ASCC3: variants seen among roughly 807,000 people sequenced by gnomAD.
ASCC3 encodes ASC-1 complex subunit P200.
In ASCC3, 158 loss-of-function variants were observed where a neutral mutation model predicts 256.3. That is an observed-to-expected ratio of 0.62 (90% confidence interval 0.54 to 0.70). The LOEUF (loss-of-function observed/expected upper bound fraction) is 0.70, where lower values mean the gene tolerates loss of function less well. Among genes scored for constraint, ASCC3 ranks in the 30% least tolerant of loss-of-function variants. ASCC3 has a pLI of 0.00. For synonymous variants in ASCC3, 948 were observed against 883.4 expected, an observed-to-expected ratio of 1.07 and a Z score of -1.30; for missense variants, 2,259 against 2,626.0, an observed-to-expected ratio of 0.86 and a Z score of 3.05.
intron 36 of ASCC3, among the ~76,000 whole-genome samples, chr6:100,568,404 T>C (rs1221498021): frequency 6.6e-6 from 1 of 151,682 alleles, no homozygotes; most frequent in East Asian, 1.9e-4. Context: ...TGGTATGAGA[T>C]AGTATCTCAT....
At chr6:100,813,159 C>A (rs1770563890) in intron 4 of ASCC3, among the ~76,000 whole-genome samples, 1 of 151,862 alleles carries the variant, frequency 6.6e-6, no homozygotes, top group Non-Finnish European at 1.5e-5. Flanking sequence ...GGAAGCTTAA[C>A]AAATTCCAAG....
chr6:100,848,896 A>G (rs1772521308), intron 3 of ASCC3, among the ~76,000 whole-genome samples, 189 bp from the exon 4 acceptor site: 1 of 152,194 alleles, frequency 6.6e-6, no homozygotes, highest in Non-Finnish European at 1.5e-5. Context: ...ACTTGAGTCT[A>G]GGAGTTCAAG....
At chr6:100,611,206 G>A (rs1468061382) in intron 30 of ASCC3, among the ~76,000 whole-genome samples, 1 of 152,040 alleles carries the variant, frequency 6.6e-6, no homozygotes, top group Non-Finnish European at 1.5e-5. Flanking sequence ...ATCTGAACTG[G>A]CAAAGACTTA....
intron 4 of ASCC3, among the ~76,000 whole-genome samples, chr6:100,843,331 G>A (rs1772238276): frequency 6.6e-6 from 1 of 152,104 alleles, no homozygotes; most frequent in South Asian, 2.1e-4. Flanking sequence ...GTTCAGAAAT[G>A]AACTTGCATG....
intron 4 of ASCC3, among the ~76,000 whole-genome samples, chr6:100,835,294 T>C (rs1284384191): frequency 6.6e-6 from 1 of 152,126 alleles, no homozygotes; most frequent in Non-Finnish European, 1.5e-5. Flanking sequence ...ATACAATTTG[T>C]CTATTTTTGC....
At chr6:100,871,218 C>G (rs1773725490) in intron 1 of ASCC3, among the ~76,000 whole-genome samples, 1 of 152,002 alleles carries the variant, frequency 6.6e-6, no homozygotes, top group African/African-American at 2.4e-5. Flanking sequence ...GCCTCAGCCT[C>G]CCGAGTAGCT....
At chr6:100,833,521 C>G (rs1375701118) in intron 4 of ASCC3, among the ~76,000 whole-genome samples, 1 of 151,960 alleles carries the variant, frequency 6.6e-6, no homozygotes, top group Non-Finnish European at 1.5e-5. Flanking sequence ...ATGTACTACC[C>G]TAATACAAGA....
intron 30 of ASCC3, among the ~76,000 whole-genome samples, chr6:100,621,637 G>A (rs1272504296): frequency 6.6e-6 from 1 of 152,180 alleles, no homozygotes; most frequent in Non-Finnish European, 1.5e-5. Context: ...TACACTGTTG[G>A]TGAGAATGTA....
At chr6:100,706,482 C>A (rs1260434084) in intron 13 of ASCC3, among the ~76,000 whole-genome samples, 1 of 151,586 alleles carries the variant, frequency 6.6e-6, no homozygotes, top group Non-Finnish European at 1.5e-5. Context: ...TGAAAACAAA[C>A]CTCTAAATGA....
At chr6:100,710,939 T>C (rs1324547061) in intron 13 of ASCC3, among the ~76,000 whole-genome samples, 3 of 152,140 alleles carry the variant, frequency 2.0e-5, no homozygotes, top group African/African-American at 7.2e-5. Context: ...AGCCTCAAAA[T>C]AGCTGTGGTA....
intron 3 of ASCC3, chr6:100,857,459 G>C (rs1403642612): frequency 6.6e-6 from 1 of 151,946 alleles, no homozygotes; most frequent in Non-Finnish European, 1.5e-5. Context: ...CACATACAAA[G>C]ATCCTGAAGA....
intron 30 of ASCC3, among the ~76,000 whole-genome samples, chr6:100,609,380 G>T (rs1320324957): frequency 1.3e-5 from 2 of 151,828 alleles, no homozygotes; most frequent in Non-Finnish European, 2.9e-5. Context: ...GCTACATTTA[G>T]TATATTCACA....
At chr6:100,711,770 G>T (rs1778865306) in intron 13 of ASCC3, among the ~76,000 whole-genome samples, 8 of 152,084 alleles carry the variant, frequency 5.3e-5, no homozygotes, top group Admixed American at 4.6e-4. Context: ...GACTAGAAAA[G>T]GTTCTCTTGT....
chr6:100,596,152 A>G (rs1234818374), intron 34 of ASCC3, among the ~76,000 whole-genome samples: 1 of 152,096 alleles, frequency 6.6e-6, no homozygotes, highest in Non-Finnish European at 1.5e-5. Context: ...TTTTTTTGCC[A>G]TCCCTTTTAT....
rs577505686 is a variant in ASCC3 at position 100,563,269 on chromosome 6, T to C, written c.5551-22882A>G. ...TTTCTTCAACTCTTTTTTGTGCTTC[T>C]TCCCATCTTCCCGTTTTAGAATTTT... On this transcript the variant is annotated intron_variant, in intron 36 of 41. Coordinates refer to ENST00000369162, the MANE Select transcript of ASCC3 (RefSeq NM_006828.4). Among the ~76,000 whole-genome samples the C allele has an allele frequency of 1.5e-4, 23 of 152,308 alleles. No homozygotes were observed. The South Asian group carries it at 4.3e-3, about 29-fold the overall frequency.
chr6:100,533,859 T>A (rs1019100477), intron 37 of ASCC3, among the ~76,000 whole-genome samples: 1 of 152,236 alleles, frequency 6.6e-6, no homozygotes, highest in Non-Finnish European at 1.5e-5. Context: ...TTAGAAAGGA[T>A]CAGAGATATC....
chr6:100,779,909 G>C (rs915268667), intron 8 of ASCC3, among the ~76,000 whole-genome samples: 2 of 151,980 alleles, frequency 1.3e-5, no homozygotes, highest in Non-Finnish European at 2.9e-5. Flanking sequence ...CCTAATCATA[G>C]AGAAATCTTA....
At chr6:100,646,816 A>G in intron 21 of ASCC3, 47 bp from the exon 22 acceptor site, 2 of 1,580,234 alleles carry the variant, frequency 1.3e-6, no homozygotes, top group Non-Finnish European at 1.7e-6. Context: ...GGCAGAAAAA[A>G]GCAATATAAT....
intron 36 of ASCC3, among the ~76,000 whole-genome samples, chr6:100,584,892 A>G (rs1771560601): frequency 6.6e-6 from 1 of 152,152 alleles, no homozygotes; most frequent in Admixed American, 6.5e-5. Flanking sequence ...TCTTTTAAGA[A>G]TGTTGAATAT....
Sources: gnomAD v4.1 joint callset for allele counts (sites outside exome capture counted in the v4.1 genomes callset) on GRCh38, gnomAD v4.1.1 for gene constraint, MANE v1.5 for transcripts, NCBI Gene and HGNC (gene_info 2026-07-23, HGNC 2026-07-21) for gene names.